Variants in HTT observed in about 807,000 individuals in gnomAD.
HTT encodes the protein huntingtin.
Under a neutral mutation model 362.3 loss-of-function variants are expected in HTT, and 104 were observed. That is an observed-to-expected ratio of 0.29 (90% CI 0.24 to 0.34). The LOEUF (loss-of-function observed/expected upper bound fraction) is 0.34, where lower values mean the gene tolerates loss of function less well. Ranked by LOEUF, HTT falls within the 10% of genes least tolerant of loss-of-function variation. HTT has a pLI of 1.00. For synonymous variants in HTT, 1,577 were observed against 1,548.7 expected (o/e 1.02, Z -0.43); for missense variants, 3,301 against 3,928.6 (o/e 0.84, Z 4.27).
intron 55 of HTT, among the ~76,000 whole-genome samples, 191 bp downstream of exon 55, chr4:3,223,751 T>C (rs110501): frequency 0.46 from 70,384 of 152,000 alleles, 16,867 homozygotes; most frequent in African/African-American, 0.56. Context: ...GCTGGAAACG[T>C]GACAGGAACT....
intron 31 of HTT, among the ~76,000 whole-genome samples, chr4:3,173,418 C>G (rs370358630): frequency 2.0e-5 from 3 of 152,120 alleles, no homozygotes; most frequent in Admixed American, 6.5e-5. Flanking sequence ...GCAGCCAGCT[C>G]TCATTGCCAA....
intron 2 of HTT, 74 bp from the exon 3 acceptor site, chr4:3,099,198 ACC>A: frequency 1.1e-6 from 1 of 943,974 alleles, no homozygotes; most frequent in Non-Finnish European, 1.7e-6. Context: ...CATGCAGGAC[ACC>A]GGATACCTCA....
At chr4:3,223,899 C>T in intron 55 of HTT, 93 bp from the exon 56 acceptor site, 2 of 1,346,642 alleles carry the variant, frequency 1.5e-6, no homozygotes, top group African/African-American at 1.4e-5. Flanking sequence ...ACACCAGGTT[C>T]CTTTAGGCAA....
chr4:3,204,818 G>C (rs1356680441), intron 42 of HTT, among the ~76,000 whole-genome samples: 1 of 152,032 alleles, frequency 6.6e-6, no homozygotes, highest in Non-Finnish European at 1.5e-5. Context: ...AAAAGAAAGA[G>C]AGGAAGAAAG....
At chr4:3,198,934 G>A (rs977711545) in intron 40 of HTT, among the ~76,000 whole-genome samples, 1 of 152,220 alleles carries the variant, frequency 6.6e-6, no homozygotes, top group Non-Finnish European at 1.5e-5. Flanking sequence ...CCGCAGGGGG[G>A]TCCTGCTTTC....
chr4:3,171,853 G>A (rs1465158651), intron 29 of HTT, among the ~76,000 whole-genome samples: 1 of 152,218 alleles, frequency 6.6e-6, no homozygotes, highest in African/African-American at 2.4e-5. Flanking sequence ...TGTGAGAAGA[G>A]TAACATTAAG....
At position 3,224,013 on chromosome 4, in the gene HTT, T is replaced by C. The variant is rs1720796509; in HGVS notation, c.7647T>C (p.Ile2549=). ...GTAGGTTTGGGAGGAAGCTGAGCAT[T>C]ATCAGAGGGATTGTGGAGCAAGAGA... ...LDTRFGRKLS[I]IRGIVEQEIQ... is the part of the protein sequence containing the mutation. The change falls in exon 56 of 67, where the codon ATT becomes ATC. Residue 2549 remains isoleucine, a synonymous_variant. Transcript: ENST00000355072. 3 of 1,614,148 alleles carry C rather than the reference T, an allele frequency of 1.9e-6. No individual in the cohort carries two copies. The highest frequency in any genetic ancestry group is 1.7e-6 in the Non-Finnish European group (2 of 1,179,974).
chr4:3,106,711 A>T (rs948623781), intron 5 of HTT, among the ~76,000 whole-genome samples: 1 of 152,020 alleles, frequency 6.6e-6, no homozygotes, highest in Admixed American at 6.6e-5. Flanking sequence ...TTCTCAGCGG[A>T]ACAGTCACTT....
At chr4:3,079,782 G>A (rs746468324) in intron 1 of HTT, among the ~76,000 whole-genome samples, 3 of 152,162 alleles carry the variant, frequency 2.0e-5, no homozygotes, top group African/African-American at 7.2e-5. Context: ...GGGGAACACC[G>A]GCAAAAGCAG....
rs368323576 is a variant in HTT, at chr4:3,174,635, G to A, written c.4167-86G>A. 6 of 1,009,948 alleles carry A rather than the reference G, an allele frequency of 5.9e-6. No homozygotes were observed. In the East Asian group the frequency reaches 1.2e-4, roughly 21 times the overall value. 62.6% of individuals were successfully genotyped at this position (1,009,948 alleles called of 1,614,324 possible). A position where few individuals can be genotyped will look rare whatever the true frequency, so the allele number is the denominator to read the frequency against. ...GTTCTGATCGTGTGAATGTGAAATT[G>A]GTTTGAGCAGGAGTATATCTGAGTG... On this transcript the variant is annotated intron_variant, in intron 31 of 66. Transcript: ENST00000355072.
chr4:3,117,667 T>C (rs1715097928), intron 8 of HTT, among the ~76,000 whole-genome samples: 1 of 152,012 alleles, frequency 6.6e-6, no homozygotes, highest in East Asian at 1.9e-4. Flanking sequence ...CGAAACCCCA[T>C]GTCTTAAAGA....
chr4:3,148,478 C>T (rs1161431626), intron 26 of HTT, among the ~76,000 whole-genome samples: 1 of 151,960 alleles, frequency 6.6e-6, no homozygotes, highest in East Asian at 1.9e-4. Context: ...ATCACGAAAC[C>T]CCCTCTCTAC....
chr4:3,215,417 C>T (rs1720351414), intron 51 of HTT, among the ~76,000 whole-genome samples: 1 of 152,114 alleles, frequency 6.6e-6, no homozygotes. Context: ...CTTATCCGTA[C>T]ACATGCGGCT....
In HTT at chr4:3,145,366, G is replaced by A. The variant is rs181262761; in HGVS notation, c.3143+138G>A. 1,931 of 666,676 alleles carry A rather than the reference G, an allele frequency of 2.9e-3. 6 individuals are homozygous for A. The highest frequency in any genetic ancestry group is 4.5e-3 in the Non-Finnish European group (1,674 of 371,908). The allele number at this position is 666,676 out of a possible 1,614,324, so 41.3% of individuals were successfully genotyped here. On this transcript the variant is annotated intron_variant, in intron 24 of 66. Transcript: ENST00000355072. ...TGGAAAAATATCTGATGGAATACTT[G>A]TTTCTGCTATATTAGCTGTGTGAGA...
At position 3,240,117 on chromosome 4, in the gene HTT, G is replaced by A; in HGVS notation, c.*58G>A. 1 of 1,421,126 alleles carries A rather than the reference G, an allele frequency of 7.0e-7. No homozygotes were observed. Among genetic ancestry groups the A allele is most frequent in the Non-Finnish European group, 9.7e-7 (1 of 1,033,806 alleles). 88.0% of individuals were successfully genotyped at this position (1,421,126 alleles called of 1,614,324 possible). A position where few individuals can be genotyped will look rare whatever the true frequency, so the allele number is the denominator to read the frequency against. On this transcript the variant is annotated 3_prime_UTR_variant, in exon 67 of 67. Coordinates refer to ENST00000355072, the MANE Select transcript of HTT (RefSeq NM_001388492.1). ...CTGGGGCCGGAGCCTTTGGAAGTCT[G>A]CGCCCTTGTGCCCTGCCTCCACCGA...
Position 3,125,484 on chromosome 4 carries a change from T to C in HTT, c.1322-65T>C, listed in dbSNP as rs1715480814. On this transcript the variant is annotated intron_variant, in intron 10 of 66. Coordinates refer to ENST00000355072, the MANE Select transcript of HTT (RefSeq NM_001388492.1). ...CTTATGAGTTTCATTTTAGAGTGCA[T>C]TTACTTAATTTTGAAGTCCTTATTT... The C allele has an allele frequency of 5.1e-5, 49 of 969,048 alleles. No homozygotes were observed. The South Asian group carries it at 6.5e-4, about 13-fold the overall frequency. The allele number at this position is 969,048 out of a possible 1,614,324, so 60.0% of individuals were successfully genotyped here.
intron 40 of HTT, among the ~76,000 whole-genome samples, chr4:3,198,930 G>A (rs945045934): frequency 1.3e-5 from 2 of 152,218 alleles, no homozygotes; most frequent in East Asian, 1.9e-4. Flanking sequence ...TGGACCGCAG[G>A]GGGGTCCTGC....
At position 3,224,050 on chromosome 4, in the gene HTT, G is replaced by A. The variant is rs757798585; in HGVS notation, c.7684G>A (p.Val2562Ile). 1.3e-5 allele frequency: 21 copies of A among 1,613,854 alleles called. No individual in the cohort carries two copies. The highest frequency in any genetic ancestry group is 2.2e-5 in the East Asian group (1 of 44,884). The part of the protein sequence containing the change: ...GIVEQEIQAM[V>I]SKRENIATHH... ...TGTGGAGCAAGAGATTCAAGCAATG[G>A]TTTCAAAGAGAGAGAATATTGCCAC... The change falls in exon 56 of 67, where the codon GTT (valine) becomes ATT (isoleucine). Residue 2562 changes from valine to isoleucine, a missense_variant. This residue lies in a region of HTT where 753 missense variants were observed against 1,021.3 expected (regional missense o/e 0.74). Coordinates refer to ENST00000355072, the MANE Select transcript of HTT (RefSeq NM_001388492.1).
At chr4:3,170,399 GT>G (rs1717915222) in intron 29 of HTT, among the ~76,000 whole-genome samples, 1 of 152,114 alleles carries the variant, frequency 6.6e-6, no homozygotes, top group Non-Finnish European at 1.5e-5. Flanking sequence ...GAAAGTTTGG[GT>G]TTTCCAGTCC....
Sources: allele counts gnomAD v4.1 joint callset (sites outside exome capture counted in the v4.1 genomes callset), GRCh38; gene constraint gnomAD v4.1.1; regional missense constraint gnomAD v4.1.1; transcripts MANE v1.5; gene names NCBI Gene and HGNC (gene_info 2026-07-23, HGNC 2026-07-21).